The following GSE1 variants were observed in gnomAD, a reference collection of about 807,000 sequenced individuals.
The protein encoded by GSE1 is Gse1 coiled-coil protein.
In GSE1, 32 loss-of-function variants were observed where a neutral mutation model predicts 112.6. The ratio of observed to expected loss-of-function variants is 0.28; its 90% CI spans 0.21 to 0.38. The LOEUF is 0.38. Ranked by LOEUF, GSE1 falls within the 10% of genes least tolerant of loss-of-function variation. The probability of loss-of-function intolerance (pLI) is 1.00; values close to 1 mark genes in which losing one functional copy is unlikely to be tolerated. For missense variants in GSE1, 2,348 were observed against 1,699.2 expected (o/e 1.38, Z -6.71); for synonymous variants, 1,115 against 735.6 (o/e 1.52, Z -8.35).
intron 2 of GSE1, among the ~76,000 whole-genome samples, chr16:85,424,667 C>G (rs1269524616): frequency 1.3e-5 from 2 of 152,242 alleles, no homozygotes; most frequent in Non-Finnish European, 2.9e-5. Flanking sequence ...CTTGGGAACA[C>G]CTGCTCCCGC....
chr16:85,475,387 C>T (rs982790594), intron 2 of GSE1, among the ~76,000 whole-genome samples: 35 of 152,214 alleles, frequency 2.3e-4, no homozygotes, highest in African/African-American at 7.0e-4. Context: ...AAGGCTAGGG[C>T]GGGATGCAGG....
chr16:85,281,564 G>A (rs533543621), intron 1 of GSE1, among the ~76,000 whole-genome samples: 9 of 152,204 alleles, frequency 5.9e-5, no homozygotes, highest in South Asian at 2.1e-4. Context: ...AGAGGCCCCA[G>A]TGACTTTCAA....
At chr16:85,291,514 C>T (rs952163300) in intron 1 of GSE1, among the ~76,000 whole-genome samples, 3 of 152,328 alleles carry the variant, frequency 2.0e-5, no homozygotes, top group South Asian at 2.1e-4. Context: ...CCCATGGGGT[C>T]GAATAAAGGG....
chr16:85,499,370 G>T (rs58647946), intron 2 of GSE1, among the ~76,000 whole-genome samples: 1 of 134,134 alleles, frequency 7.5e-6, no homozygotes, highest in African/African-American at 2.8e-5. Context: ...GAGTGCAGTG[G>T]CGTGATCTCG....
intron 2 of GSE1, among the ~76,000 whole-genome samples, chr16:85,486,939 G>T (rs1372738187): frequency 6.6e-6 from 1 of 152,154 alleles, no homozygotes; most frequent in Non-Finnish European, 1.5e-5. Flanking sequence ...TTACTGATGA[G>T]TGGTCATTTT....
intron 2 of GSE1, among the ~76,000 whole-genome samples, chr16:85,461,070 T>C (rs1280296378): frequency 6.6e-6 from 1 of 152,172 alleles, no homozygotes; most frequent in Non-Finnish European, 1.5e-5. Context: ...CCCACACCCT[T>C]AGGGAGCACC....
chr16:85,544,845 C>T lies in GSE1; in HGVS notation c.2465-89069C>T, dbSNP rs79640091. Among the ~76,000 whole-genome samples the T allele has an allele frequency of 7.2e-4, 109 of 152,342 alleles. 1 individual carries two copies. In the East Asian group the frequency reaches 0.021, roughly 29 times the overall value. ...CTGGAGTGCCTGGGGAGAAGAAAGCCTTGTCGGTTTGCCCCCAGGCAGCAG... is the reference window on the plus strand; with the variant it reads ...CTGGAGTGCCTGGGGAGAAGAAAGCTTTGTCGGTTTGCCCCCAGGCAGCAG... On this transcript the variant is annotated intron_variant, in intron 2 of 2. Transcript: ENST00000637419.
At chr16:85,613,455 GTCC>G (rs1354313066) in intron 1 of GSE1, 57 bp downstream of exon 1, 31 of 1,458,446 alleles carry the variant, frequency 2.1e-5, no homozygotes, top group Middle Eastern at 1.8e-4. Context: ...CCACCGCACT[GTCC>G]TCCTGCAAGT....
intron 2 of GSE1, among the ~76,000 whole-genome samples, chr16:85,370,407 A>G (rs2047269796): frequency 6.6e-6 from 1 of 152,094 alleles, no homozygotes; most frequent in South Asian, 2.1e-4. Flanking sequence ...CTATCCCCAA[A>G]TACACTAAGA....
Position 85,223,422 on chromosome 16 carries a change from C to G in GSE1, c.2283+51615C>G, listed in dbSNP as rs1021539042. ...CCTGTAATCCCAGCTAATCGGGAGGCTGAGACAGGAGAATAGCTTGAACCC... is the reference window on the plus strand; with the variant it reads ...CCTGTAATCCCAGCTAATCGGGAGGGTGAGACAGGAGAATAGCTTGAACCC... On this transcript the variant is annotated intron_variant, in intron 1 of 2. Transcript: ENST00000637419. Among the ~76,000 whole-genome samples, 25 of 148,746 alleles carry G rather than the reference C, an allele frequency of 1.7e-4. 1 individual carries two copies. The highest frequency in any genetic ancestry group is 6.2e-4 in the African/African-American group (25 of 40,406).
chr16:85,384,896 G>GCAAGCAGC (rs1458019986), intron 2 of GSE1, among the ~76,000 whole-genome samples: 2 of 152,234 alleles, frequency 1.3e-5, no homozygotes, highest in African/African-American at 4.8e-5. Flanking sequence ...GGGCCCTCAG[G>GCAAGCAGC]CAAGCAGCCA....
At chr16:85,200,609 C>T (rs1041101662) in intron 1 of GSE1, among the ~76,000 whole-genome samples, 5 of 152,064 alleles carry the variant, frequency 3.3e-5, no homozygotes, top group African/African-American at 7.2e-5. Flanking sequence ...GCCCTGCTGA[C>T]GCAGCATTCA....
At chr16:85,192,943 C>T (rs2074853735) in intron 1 of GSE1, among the ~76,000 whole-genome samples, 3 of 152,186 alleles carry the variant, frequency 2.0e-5, no homozygotes, top group African/African-American at 4.8e-5. Flanking sequence ...TGGCTGTGTG[C>T]CTGCGCCCAA....
At chr16:85,170,106 C>T (rs996208017) in exon 1 of GSE1, 3 of 985,110 alleles carry the variant, frequency 3.0e-6, no homozygotes, top group African/African-American at 3.5e-5. Flanking sequence ...ACGCCGCCAG[C>T]CCCCACCAGG....
At chr16:85,664,305 A>G (rs1039667429) in intron 11 of GSE1, among the ~76,000 whole-genome samples, 1 of 152,170 alleles carries the variant, frequency 6.6e-6, no homozygotes, top group Non-Finnish European at 1.5e-5. Context: ...TCTCTGGGAG[A>G]AAGTCGAAGG....
At chr16:85,316,397 G>A (rs184814961) in intron 1 of GSE1, among the ~76,000 whole-genome samples, 30 of 152,262 alleles carry the variant, frequency 2.0e-4, no homozygotes, top group African/African-American at 5.1e-4. Flanking sequence ...GGCACGTTTC[G>A]AGGGCTCCCT....
intron 1 of GSE1, among the ~76,000 whole-genome samples, chr16:85,308,839 C>T (rs1436234879): frequency 6.7e-6 from 1 of 149,060 alleles, no homozygotes; most frequent in African/African-American, 2.5e-5. Flanking sequence ...TTGCCACTAC[C>T]ATGACCCACA....
At position 85,657,360 on chromosome 16, in the gene GSE1, C is replaced by T. The variant is rs1255908850; in HGVS notation, c.1396C>T (p.Pro466Ser). 4.3e-6 allele frequency: 7 copies of T among 1,612,020 alleles called. No homozygotes were observed. In the African/African-American group the frequency reaches 5.3e-5, roughly 12 times the overall value. ...HPVPTPHHTV[P>S]SLISNHGIFS... ...GGTGCCCACCCCACACCACACGGTG[C>T]CCAGCCTCATCTCCAACCATGGCAT... Residue 466 changes from proline to serine, a missense_variant, in exon 8 of 16, where the codon CCC becomes TCC. Pro to Ser is a moderately conservative substitution (Grantham distance 74). Transcript: ENST00000253458.
At chr16:85,651,019 C>T (rs577039361) in intron 3 of GSE1, among the ~76,000 whole-genome samples, 32 of 148,882 alleles carry the variant, frequency 2.1e-4, no homozygotes, top group Middle Eastern at 3.5e-3. Context: ...CGGAGAATGA[C>T]GGATTTGCTC....
Sources: gnomAD v4.1 joint callset for allele counts (sites outside exome capture counted in the v4.1 genomes callset) on GRCh38, gnomAD v4.1.1 for gene constraint, MANE v1.5 for transcripts, NCBI Gene and HGNC (gene_info 2026-07-23, HGNC 2026-07-21) for gene names.